CPEB4: variants seen among roughly 807,000 people sequenced by gnomAD.
CPEB4 encodes the protein cytoplasmic polyadenylation element-binding protein 4.
In CPEB4, 12 loss-of-function variants were observed where a neutral mutation model predicts 72.5. The observed-to-expected ratio is 0.17, with a 90% CI of 0.11 to 0.27. The LOEUF is 0.27. Ranked by LOEUF, CPEB4 falls within the 10% of genes least tolerant of loss-of-function variation. The pLI is 1.00. For synonymous variants in CPEB4, 302 were observed against 326.3 expected (o/e 0.93, Z 0.80); for missense variants, 614 against 908.5 (o/e 0.68, Z 4.17).
chr5:173,947,017 C>T (rs1468606062), intron 5 of CPEB4, among the ~76,000 whole-genome samples: 1 of 151,820 alleles, frequency 6.6e-6, no homozygotes, highest in East Asian at 1.9e-4. Context: ...GAATAGGTAT[C>T]GTAGAAGAGC....
intron 3 of CPEB4, among the ~76,000 whole-genome samples, chr5:173,934,645 G>A (rs1757558094): frequency 6.6e-6 from 1 of 152,274 alleles, no homozygotes; most frequent in African/African-American, 2.4e-5. Context: ...ACTAGGACCA[G>A]ATGCCAATTT....
intron 1 of CPEB4, among the ~76,000 whole-genome samples, chr5:173,895,165 C>G (rs949161295): frequency 4.6e-5 from 7 of 151,910 alleles, no homozygotes; most frequent in Non-Finnish European, 8.8e-5. Context: ...TGATTGGACC[C>G]TTACAGTAAG....
chr5:173,940,099 C>T (rs1387002681), intron 3 of CPEB4, among the ~76,000 whole-genome samples: 1 of 151,836 alleles, frequency 6.6e-6, no homozygotes, highest in East Asian at 1.9e-4. Flanking sequence ...GAATCCATCT[C>T]CAAAAATAAA....
In CPEB4 at chr5:173,956,325, T is replaced by A; in HGVS notation, c.*188T>A. 1 of 515,758 alleles carries A rather than the reference T, an allele frequency of 1.9e-6. No homozygotes were observed. The highest frequency in any genetic ancestry group is 3.4e-6 in the Non-Finnish European group (1 of 291,038). 31.9% of individuals were successfully genotyped at this position (515,758 alleles called of 1,614,324 possible). The stretch of plus-strand genomic sequence containing the variant: ...GATTCTTGTGTCACTGCAAACAATA[T>A]GAACTCCTTTTTCGTATTGCCATCG... On this transcript the variant is annotated 3_prime_UTR_variant, in exon 10 of 10. Transcript: ENST00000265085.
intron 1 of CPEB4, among the ~76,000 whole-genome samples, chr5:173,899,706 C>G (rs1012007880): frequency 2.6e-5 from 4 of 152,274 alleles, no homozygotes; most frequent in African/African-American, 9.6e-5. Context: ...CAGGACTGAG[C>G]TTTTATGGTT....
chr5:173,950,958 C>T lies in CPEB4; in HGVS notation c.1666-866C>T, dbSNP rs1758197813. ...CAGTTTATTATCACTCAGCCAGCAC[C>T]CAGTGAATGATGATAGTGCAGAATG... is the stretch of plus-strand genomic sequence containing the variant. On this transcript the variant is annotated intron_variant, in intron 7 of 9. Coordinates refer to ENST00000265085, the MANE Select transcript of CPEB4 (RefSeq NM_030627.4). This position sits in a 1 kb window ranked among gnomAD's most constrained non-coding sequence, Gnocchi z 5.0. Among the ~76,000 whole-genome samples the T allele has an allele frequency of 6.6e-6, 1 of 152,164 alleles. No individual in the cohort carries two copies. The highest frequency in any genetic ancestry group is 2.1e-4 in the South Asian group (1 of 4,826).
chr5:173,893,373 T>G (rs569974435), intron 1 of CPEB4, among the ~76,000 whole-genome samples: 74 of 152,086 alleles, frequency 4.9e-4, no homozygotes, highest in Non-Finnish European at 9.7e-4. Flanking sequence ...TCCCAGCTAC[T>G]TGGGAGGCTG....
intron 3 of CPEB4, among the ~76,000 whole-genome samples, chr5:173,937,180 T>C (rs990632259): frequency 3.3e-5 from 5 of 151,912 alleles, no homozygotes; most frequent in African/African-American, 9.7e-5. Flanking sequence ...GTAGCTGAGA[T>C]TACAGGCACC....
intron 5 of CPEB4, among the ~76,000 whole-genome samples, chr5:173,947,768 T>C (rs990037522): frequency 1.2e-4 from 19 of 152,244 alleles, no homozygotes; most frequent in Middle Eastern, 3.4e-3. Context: ...TTAGAAATAA[T>C]GAATACTCAC....
intron 3 of CPEB4, among the ~76,000 whole-genome samples, chr5:173,941,631 G>A (rs539220200): frequency 6.6e-6 from 1 of 150,934 alleles, no homozygotes; most frequent in Admixed American, 6.6e-5. Flanking sequence ...CTGGGACTTT[G>A]GGAGGCTGAG....
intron 2 of CPEB4, among the ~76,000 whole-genome samples, chr5:173,921,394 A>T (rs981784445): frequency 6.6e-6 from 1 of 152,216 alleles, no homozygotes; most frequent in African/African-American, 2.4e-5. Flanking sequence ...TTGTTACAAA[A>T]AAGAACATAA....
intron 1 of CPEB4, among the ~76,000 whole-genome samples, chr5:173,908,729 A>G (rs578174335): frequency 6.6e-6 from 1 of 152,360 alleles, no homozygotes; most frequent in East Asian, 1.9e-4. Context: ...GTCAGCTTAG[A>G]TGTTCTAGAA....
rs1166914823 is a variant in CPEB4, at chr5:173,890,432, C to T, written c.699C>T (p.His233=). 6.2e-6 allele frequency: 10 copies of T among 1,613,354 alleles called. No individual in the cohort carries two copies. Among genetic ancestry groups the T allele is most frequent in the East Asian group, 2.2e-5 (1 of 44,882 alleles). Residue 233 remains histidine (H), a synonymous_variant, in exon 1 of 10, where the codon CAC becomes CAT. Coordinates refer to ENST00000265085, the MANE Select transcript of CPEB4 (RefSeq NM_030627.4). ...AGATCGGGCCTCTCTCACAGCACCA[C>T]CCACATCACCCTCATTTCCAGCATC... ...SPQIGPLSQH[H]PHHPHFQHHH... is the part of the protein sequence containing the mutation.
At chr5:173,944,884 C>A in intron 4 of CPEB4, 83 bp from the exon 5 acceptor site, 1 of 1,163,122 alleles carries the variant, frequency 8.6e-7, no homozygotes, top group Non-Finnish European at 1.2e-6. Context: ...TTTATTGAAT[C>A]TGCTGTTTCC....
At chr5:173,905,574 C>T (rs966209142) in intron 1 of CPEB4, among the ~76,000 whole-genome samples, 1 of 152,120 alleles carries the variant, frequency 6.6e-6, no homozygotes, top group African/African-American at 2.4e-5. Context: ...CCACCTCGGC[C>T]TCCCAAAGTG....
At chr5:173,907,073 C>T (rs1224293750) in intron 1 of CPEB4, among the ~76,000 whole-genome samples, 1 of 152,190 alleles carries the variant, frequency 6.6e-6, no homozygotes, top group Non-Finnish European at 1.5e-5. Context: ...TCAAGACCAT[C>T]CTGGCCAACA....
At chr5:173,916,354 A>T (rs1251035451) in intron 2 of CPEB4, among the ~76,000 whole-genome samples, 1 of 152,224 alleles carries the variant, frequency 6.6e-6, no homozygotes, top group Non-Finnish European at 1.5e-5. Flanking sequence ...TTTGAATGTA[A>T]GCAATAATGA....
chr5:173,914,808 C>T (rs529668598), intron 2 of CPEB4, among the ~76,000 whole-genome samples: 11 of 152,120 alleles, frequency 7.2e-5, no homozygotes, highest in Non-Finnish European at 1.2e-4. Context: ...TAGTAGAGAA[C>T]AGTATACCAC....
Position 173,956,145 on chromosome 5 carries a change from C to T in CPEB4, c.*8C>T, listed in dbSNP as rs921205847. 1.9e-6 allele frequency: 3 copies of T among 1,609,104 alleles called. No homozygotes were observed. Among genetic ancestry groups the T allele is most frequent in the Non-Finnish European group, 2.6e-6 (3 of 1,175,624 alleles). ...TCATTCCGCTGGAACTAAAGGATAA[C>T]TGCAGTGCTCATTTTCAGGCCTCAG... On this transcript the variant is annotated 3_prime_UTR_variant, in exon 10 of 10. Transcript: ENST00000265085.
Sources: allele counts gnomAD v4.1 joint callset (sites outside exome capture counted in the v4.1 genomes callset), GRCh38; gene constraint gnomAD v4.1.1; non-coding constraint Gnocchi (gnomAD v3.1); transcripts MANE v1.5; gene names NCBI Gene and HGNC (gene_info 2026-07-23, HGNC 2026-07-21).